The following DLGAP4 variants were observed in gnomAD, a reference collection of about 807,000 sequenced individuals.
DLGAP4 encodes the protein DLG associated protein 4, also known as disks large-associated protein 4.
DLGAP4 carries 18 observed loss-of-function variants against 86.9 expected under a neutral mutation model. That is an observed-to-expected ratio of 0.21 (90% CI 0.14 to 0.31). DLGAP4 has a LOEUF of 0.31. DLGAP4 is among the 10% of genes least tolerant of loss of function. The pLI, the probability that DLGAP4 is intolerant of heterozygous loss-of-function variation, is 1.00. For missense variants in DLGAP4, 1,085 were observed against 1,362.6 expected (o/e 0.80, Z 3.21); for synonymous variants, 548 against 574.3 (o/e 0.95, Z 0.65).
chr20:36,374,283 G>A (rs2031063963), intron 2 of DLGAP4, among the ~76,000 whole-genome samples: 1 of 152,108 alleles, frequency 6.6e-6, no homozygotes, highest in African/African-American at 2.4e-5. Context: ...AGGTGCTAAG[G>A]TGGATGTGCA....
At chr20:36,355,818 A>G (rs1428406969) in intron 1 of DLGAP4, among the ~76,000 whole-genome samples, 2 of 152,212 alleles carry the variant, frequency 1.3e-5, no homozygotes, top group African/African-American at 4.8e-5. Flanking sequence ...CATTTCTCCC[A>G]TATAACCTCC....
chr20:36,509,342 G>A (rs1438332235), intron 10 of DLGAP4, among the ~76,000 whole-genome samples: 5 of 152,040 alleles, frequency 3.3e-5, no homozygotes, highest in Non-Finnish European at 7.4e-5. Context: ...AGGCCGAGGC[G>A]GGAGGATCAC....
chr20:36,396,422 C>A (rs62210464), intron 2 of DLGAP4, among the ~76,000 whole-genome samples: 1 of 116,332 alleles, frequency 8.6e-6, no homozygotes, highest in South Asian at 3.2e-4. Context: ...CACACACACA[C>A]ACCACATACA....
chr20:36,447,017 A>C, intron 7 of DLGAP4, 80 bp downstream of exon 7: 1 of 1,517,880 alleles, frequency 6.6e-7, no homozygotes, highest in Non-Finnish European at 8.9e-7. Context: ...CCAGCCTGGG[A>C]GGATACAGGG....
chr20:36,318,104 TCTCACA>T (rs1320915053), intron 1 of DLGAP4, among the ~76,000 whole-genome samples: 246 of 106,574 alleles, frequency 2.3e-3, no homozygotes, highest in African/African-American at 5.4e-3. Context: ...AAATGTGTCC[TCTCACA>T]CACACACACA....
chr20:36,461,510 G>A (rs2147615134), intron 7 of DLGAP4: 1 of 983,670 alleles, frequency 1.0e-6, no homozygotes, highest in Non-Finnish European at 1.2e-6. Flanking sequence ...GAGGGAGGAG[G>A]GTGAGTGCCC....
Position 36,524,272 on chromosome 20 carries a change from T to C in DLGAP4, c.2535T>C (p.Ala845=), listed in dbSNP as rs35338208. Residue 845 remains alanine (A), a synonymous_variant, in exon 11 of 13, where the codon GCT becomes GCC. Transcript: ENST00000339266. ...CAGTCTTAGGAAAAGTCCTCAGTGC[T>C]GTGGGCAGTGCCCAGCTACTGATGT... ...SEEVLGKVLS[A]VGSAQLLMSQ... 4.4e-3 allele frequency: 7,120 copies of C among 1,614,218 alleles called. 307 individuals are homozygous for C. In the African/African-American group the frequency reaches 0.084, roughly 19 times the overall value.
chr20:36,441,924 T>G (rs1395448294), intron 5 of DLGAP4, among the ~76,000 whole-genome samples: 1 of 152,196 alleles, frequency 6.6e-6, no homozygotes, highest in Non-Finnish European at 1.5e-5. Context: ...TCGGCCAGGC[T>G]GGGGGCCGCA....
intron 7 of DLGAP4, among the ~76,000 whole-genome samples, chr20:36,449,893 A>G (rs188216941): frequency 6.6e-6 from 1 of 152,312 alleles, no homozygotes; most frequent in Non-Finnish European, 1.5e-5. Context: ...CTTGCTCCCA[A>G]GTTTGTCAGT....
intron 1 of DLGAP4, among the ~76,000 whole-genome samples, chr20:36,322,318 C>A (rs1171811853): frequency 6.6e-6 from 1 of 152,152 alleles, no homozygotes; most frequent in Admixed American, 6.5e-5. Flanking sequence ...ACAGGTGAAG[C>A]ACTAGAGGAT....
chr20:36,510,703 GC>G (rs1395750056), intron 10 of DLGAP4, among the ~76,000 whole-genome samples: 3 of 151,972 alleles, frequency 2.0e-5, no homozygotes, highest in African/African-American at 7.3e-5. Context: ...GAGCCACTGC[GC>G]CCAGCTGACA....
rs1166375193 is a variant in DLGAP4, at chr20:36,527,435, C to CCCT, written c.*408_*410dup. 1 of 159,136 alleles carries CCCT rather than the reference C, an allele frequency of 6.3e-6. No individual in the cohort carries two copies. Among genetic ancestry groups the CCCT allele is most frequent in the Non-Finnish European group, 1.4e-5 (1 of 72,470 alleles). The allele number at this position is 159,136 out of a possible 1,614,324, so 9.9% of individuals were successfully genotyped here. A position where few individuals can be genotyped will look rare whatever the true frequency, so the allele number is the denominator to read the frequency against. ...GGGCAGCCTTGGGCACCTGCCATGT[C>CCCT]CCTCCTTTCCCCAGCTATCCCCGCT... On this transcript the variant is annotated 3_prime_UTR_variant, in exon 13 of 13. Coordinates refer to ENST00000339266, the MANE Select transcript of DLGAP4 (RefSeq NM_001365621.2).
At chr20:36,486,597 T>C (rs1008655933) in intron 7 of DLGAP4, among the ~76,000 whole-genome samples, 2 of 152,278 alleles carry the variant, frequency 1.3e-5, no homozygotes, top group Admixed American at 1.3e-4. Context: ...ATGTGGATTT[T>C]ATTCTGTATG....
chr20:36,365,442 T>A (rs2030653087), intron 1 of DLGAP4, among the ~76,000 whole-genome samples: 1 of 152,254 alleles, frequency 6.6e-6, no homozygotes, highest in African/African-American at 2.4e-5. Flanking sequence ...GGGTTTGTAT[T>A]TTCTTTTTCT....
chr20:36,340,755 G>A (rs1157160200), intron 1 of DLGAP4, among the ~76,000 whole-genome samples: 1 of 152,230 alleles, frequency 6.6e-6, no homozygotes, highest in Non-Finnish European at 1.5e-5. Context: ...GACCCCAGGG[G>A]TCCCCCAGTT....
intron 1 of DLGAP4, among the ~76,000 whole-genome samples, chr20:36,319,630 A>T (rs782661022): frequency 3.9e-5 from 6 of 152,168 alleles, no homozygotes; most frequent in African/African-American, 7.2e-5. Context: ...GAGGTGGGAA[A>T]CCGGGGCCAC....
In DLGAP4 at chr20:36,378,294, G is replaced by A. The variant is rs115645998; in HGVS notation, c.-73+11019G>A. On this transcript the variant is annotated intron_variant, in intron 2 of 12. Coordinates refer to ENST00000339266, the MANE Select transcript of DLGAP4 (RefSeq NM_001365621.2). ...ATCTGTAAAATGGGGATAATAGGAG[G>A]ATCTGTCTGGTTAAAAGCCTTAGGG... 9.8e-4 allele frequency among the ~76,000 whole-genome samples: 149 copies of A among 152,264 alleles called. 1 individual carries two copies. The highest frequency in any genetic ancestry group is 3.4e-3 in the African/African-American group (143 of 41,542).
intron 7 of DLGAP4, among the ~76,000 whole-genome samples, chr20:36,486,631 A>G (rs954370655): frequency 3.5e-5 from 5 of 144,564 alleles, no homozygotes; most frequent in Non-Finnish European, 7.6e-5. Flanking sequence ...TTTTTTTGAG[A>G]TGAAATTTTG....
intron 7 of DLGAP4, among the ~76,000 whole-genome samples, chr20:36,482,082 G>C (rs2035212057): frequency 6.6e-6 from 1 of 152,152 alleles, no homozygotes; most frequent in Non-Finnish European, 1.5e-5. Context: ...TGAACTCACG[G>C]TTTTCCCCAT....
Sources: gnomAD v4.1 joint callset for allele counts (sites outside exome capture counted in the v4.1 genomes callset) on GRCh38, gnomAD v4.1.1 for gene constraint, MANE v1.5 for transcripts, NCBI Gene and HGNC (gene_info 2026-07-23, HGNC 2026-07-21) for gene names.